Variants in ADAMTS2 observed in about 807,000 individuals in gnomAD.
ADAMTS2 encodes the protein ADAM metallopeptidase with thrombospondin type 1 motif 2.
A neutral mutation model predicts 123.0 loss-of-function variants in ADAMTS2; 50 were observed. The observed-to-expected ratio is 0.41, with a 90% CI of 0.32 to 0.51. The LOEUF (loss-of-function observed/expected upper bound fraction) is 0.51, where lower values mean the gene tolerates loss of function less well. ADAMTS2 is among the 20% of genes least tolerant of loss of function. ADAMTS2 has a pLI of 0.35. For missense variants in ADAMTS2, 1,494 were observed against 1,705.2 expected (o/e 0.88, Z 2.18); for synonymous variants, 678 against 695.4 (o/e 0.98, Z 0.39).
At chr5:179,147,371 G>T (rs1312942585) in intron 10 of ADAMTS2, among the ~76,000 whole-genome samples, 1 of 152,186 alleles carries the variant, frequency 6.6e-6, no homozygotes, top group East Asian at 1.9e-4. Context: ...TTACAGGTGT[G>T]AGCCATCACA....
intron 13 of ADAMTS2, among the ~76,000 whole-genome samples, chr5:179,135,329 C>T (rs1320588284): frequency 6.6e-6 from 1 of 152,216 alleles, no homozygotes; most frequent in African/African-American, 2.4e-5. Context: ...CAGAGACTTC[C>T]GGTTGTTTTC....
intron 2 of ADAMTS2, among the ~76,000 whole-genome samples, chr5:179,310,819 G>A (rs1236550188): frequency 2.6e-5 from 4 of 152,114 alleles, no homozygotes; most frequent in Non-Finnish European, 4.4e-5. Flanking sequence ...GAGGCATCAG[G>A]GCCTTAGTCC....
At chr5:179,323,183 A>C (rs1459925531) in intron 2 of ADAMTS2, among the ~76,000 whole-genome samples, 6 of 152,236 alleles carry the variant, frequency 3.9e-5, no homozygotes, top group African/African-American at 1.4e-4. Context: ...GCAGGTCTGC[A>C]CATCTGATGG....
At chr5:179,172,574 G>T (rs1763845392) in intron 5 of ADAMTS2, among the ~76,000 whole-genome samples, 1 of 152,190 alleles carries the variant, frequency 6.6e-6, no homozygotes, top group African/African-American at 2.4e-5. Context: ...TTTCCTTCAG[G>T]TGGACCCGCT....
In ADAMTS2 at chr5:179,300,921, A is replaced by G. The variant is rs749328610; in HGVS notation, c.535-27857T>C. Among the ~76,000 whole-genome samples, 21 of 152,188 alleles carry G rather than the reference A, an allele frequency of 1.4e-4. 1 individual carries two copies. Among genetic ancestry groups the G allele is most frequent in the Non-Finnish European group, 2.4e-4 (16 of 68,038 alleles). ...ACGCGGAGCCAGAAGAAAGCCAATT[A>G]AAAGTCGGAGAGGTCCCGCAGGACA... On this transcript the variant is annotated intron_variant, in intron 2 of 21. Transcript: ENST00000251582.
chr5:179,344,548 T>G (rs928889649), intron 1 of ADAMTS2, among the ~76,000 whole-genome samples: 4 of 152,144 alleles, frequency 2.6e-5, no homozygotes, highest in Admixed American at 6.5e-5. Flanking sequence ...CGGAAGCCAT[T>G]CCGGGTTGGC....
chr5:179,146,964 G>A (rs777518039), intron 10 of ADAMTS2, among the ~76,000 whole-genome samples: 20 of 152,312 alleles, frequency 1.3e-4, no homozygotes, highest in South Asian at 4.1e-4. Flanking sequence ...GCCTTCAGAC[G>A]TAACCAACAT....
chr5:179,245,871 T>C (rs1267469017), intron 3 of ADAMTS2, among the ~76,000 whole-genome samples: 1 of 149,506 alleles, frequency 6.7e-6, no homozygotes, highest in Non-Finnish European at 1.5e-5. Context: ...GGAATTAAGT[T>C]AATATAAATC....
rs1482053338 is a variant in ADAMTS2 at position 179,112,530 on chromosome 5, AG to A, written c.*1336del. ...GTTTTCAAGGAGCAAAAGACAATGTAGGCTCTCCCCATCTCCCACCCTAAGC... is the reference window on the plus strand; with the variant it reads ...GTTTTCAAGGAGCAAAAGACAATGTAGCTCTCCCCATCTCCCACCCTAAGC... On this transcript the variant is annotated 3_prime_UTR_variant, in exon 22 of 22. Transcript: ENST00000251582. 1 of 152,190 alleles carries A rather than the reference AG, an allele frequency of 6.6e-6. No individual in the cohort carries two copies. The highest frequency in any genetic ancestry group is 2.4e-5 in the African/African-American group (1 of 41,444). 9.4% of individuals were successfully genotyped at this position (152,190 alleles called of 1,614,324 possible). A position where few individuals can be genotyped will look rare whatever the true frequency, so the allele number is the denominator to read the frequency against.
chr5:179,284,237 G>A (rs150177126), intron 2 of ADAMTS2, among the ~76,000 whole-genome samples: 1 of 151,102 alleles, frequency 6.6e-6, no homozygotes, highest in Non-Finnish European at 1.5e-5. Flanking sequence ...GCTGAGGCAG[G>A]AGAATTGCTT....
At position 179,139,167 on chromosome 5, in the gene ADAMTS2, T is replaced by C. The variant is rs35022365; in HGVS notation, c.1775+723A>G. On this transcript the variant is annotated intron_variant, in intron 11 of 21. Coordinates refer to ENST00000251582, the MANE Select transcript of ADAMTS2 (RefSeq NM_014244.5). ...GGGTAACGCTGATGTTTGTGGAGGG[T>C]TCTCCCTCCATGCCAGCCCCCCCGG... Among the ~76,000 whole-genome samples the C allele has an allele frequency of 9.5e-3, 1,443 of 151,770 alleles. 10 individuals are homozygous for C. The highest frequency in any genetic ancestry group is 0.02 in the Middle Eastern group (6 of 294).
intron 2 of ADAMTS2, among the ~76,000 whole-genome samples, chr5:179,340,145 G>A (rs1423391503): frequency 6.6e-6 from 1 of 152,264 alleles, no homozygotes; most frequent in Non-Finnish European, 1.5e-5. Context: ...ATCCAGGGAA[G>A]GGCATACACT....
At chr5:179,209,110 G>A (rs532417885) in intron 3 of ADAMTS2, among the ~76,000 whole-genome samples, 23 of 152,336 alleles carry the variant, frequency 1.5e-4, no homozygotes, top group African/African-American at 2.4e-4. Context: ...CAGGCGGCAC[G>A]GCCACTCGGA....
At chr5:179,151,760 G>C (rs1048402926) in intron 10 of ADAMTS2, among the ~76,000 whole-genome samples, 4 of 152,204 alleles carry the variant, frequency 2.6e-5, no homozygotes, top group African/African-American at 9.6e-5. Context: ...TGAGGTCCTG[G>C]GGATGGAAAG....
At chr5:179,321,828 TG>T (rs1757189188) in intron 2 of ADAMTS2, among the ~76,000 whole-genome samples, 1 of 152,118 alleles carries the variant, frequency 6.6e-6, no homozygotes, top group Non-Finnish European at 1.5e-5. Context: ...AGTCAAAAGC[TG>T]GGGAGTGCTT....
intron 10 of ADAMTS2, among the ~76,000 whole-genome samples, chr5:179,141,258 C>T (rs1174876311): frequency 6.6e-6 from 1 of 152,140 alleles, no homozygotes; most frequent in African/African-American, 2.4e-5. Context: ...GTAAAAGGGC[C>T]AGAGAGTAAC....
At chr5:179,252,547 A>T (rs1561637186) in intron 3 of ADAMTS2, among the ~76,000 whole-genome samples, 1 of 151,760 alleles carries the variant, frequency 6.6e-6, no homozygotes, top group East Asian at 1.9e-4. Context: ...ATTTAAAAGT[A>T]TTTTTTTTAA....
chr5:179,282,572 C>T (rs906033334), intron 2 of ADAMTS2, among the ~76,000 whole-genome samples: 3 of 152,230 alleles, frequency 2.0e-5, no homozygotes, highest in Admixed American at 2.0e-4. Context: ...TGAGCCCTTC[C>T]TCTGTTCTTC....
intron 2 of ADAMTS2, among the ~76,000 whole-genome samples, chr5:179,336,980 T>C (rs1389963457): frequency 6.6e-6 from 1 of 152,196 alleles, no homozygotes; most frequent in Non-Finnish European, 1.5e-5. Flanking sequence ...GAGCGGAAGC[T>C]GTGCACCCCA....
Sources: allele counts gnomAD v4.1 joint callset (sites outside exome capture counted in the v4.1 genomes callset), GRCh38; gene constraint gnomAD v4.1.1; transcripts MANE v1.5; gene names NCBI Gene and HGNC (gene_info 2026-07-23, HGNC 2026-07-21).